The following ZBBX variants were observed in gnomAD, a reference collection of about 807,000 sequenced individuals.
ZBBX encodes the protein zinc finger B-box domain containing.
Under a neutral mutation model 108.5 loss-of-function variants are expected in ZBBX, and 101 were observed. That is an observed-to-expected ratio of 0.93 (90% confidence interval 0.79 to 1.10). The LOEUF is 1.10. Ranked by LOEUF, ZBBX falls within the 50% of genes least tolerant of loss-of-function variation. The probability of loss-of-function intolerance (pLI) is 0.00; values close to 1 mark genes in which losing one functional copy is unlikely to be tolerated. For synonymous variants in ZBBX, 356 were observed against 323.4 expected, an observed-to-expected ratio of 1.10 and a Z score of -1.08; for missense variants, 1,009 against 941.4, an observed-to-expected ratio of 1.07 and a Z score of -0.94.
At chr3:167,260,142 G>T (rs1016533892) in intron 20 of ZBBX, among the ~76,000 whole-genome samples, 1 of 152,144 alleles carries the variant, frequency 6.6e-6, no homozygotes, top group Non-Finnish European at 1.5e-5. Context: ...TTTTGTTTGA[G>T]AAGGCTGAAG....
In ZBBX at chr3:167,327,991, G is replaced by T; in HGVS notation, c.813C>A (p.Thr271=). Residue 271 remains threonine (T), a synonymous_variant, in exon 11 of 22, where the codon ACC becomes ACA. Transcript: ENST00000675490. ...SFQEVLSQWR[T]GNHDDNKKQN... is the part of the protein sequence containing the mutation. ...GTTTCTTGTTGTCATCATGATTTCCGGTTCTCCATTGACTTAACACTTCCT... is the reference window on the plus strand; with the variant it reads ...GTTTCTTGTTGTCATCATGATTTCCTGTTCTCCATTGACTTAACACTTCCT... 21 of 1,610,824 alleles carry T rather than the reference G, an allele frequency of 1.3e-5. No individual in the cohort carries two copies. The highest frequency in any genetic ancestry group is 1.7e-5 in the Non-Finnish European group (20 of 1,179,390).
chr3:167,346,068 C>G (rs1421627108), intron 9 of ZBBX, among the ~76,000 whole-genome samples: 1 of 151,824 alleles, frequency 6.6e-6, no homozygotes, highest in Non-Finnish European at 1.5e-5. Context: ...TTAACATTGT[C>G]TCTTCTGTCT....
chr3:167,191,638 G>T, the ZBBX span, among the ~76,000 whole-genome samples: 1 of 151,982 alleles, frequency 6.6e-6, no homozygotes, highest in African/African-American at 2.4e-5. Flanking sequence ...CTTCCACCAT[G>T]AGTGTGAAGC....
chr3:167,227,291 G>T, the ZBBX span, among the ~76,000 whole-genome samples: 9 of 151,836 alleles, frequency 5.9e-5, no homozygotes, highest in South Asian at 2.1e-4. Flanking sequence ...TAGTGGAAAA[G>T]AAGCATCCAG....
rs1405285640 is a variant in ZBBX at position 167,315,809 on chromosome 3, T to A, written c.1215A>T (p.Glu405Asp). ...TGTAAGGCACAATATTTTCTGCTTCTTCAAATTCCTCTTCATAAGTCTTAT... is the reference window on the plus strand; with the variant it reads ...TGTAAGGCACAATATTTTCTGCTTCATCAAATTCCTCTTCATAAGTCTTAT... Reference protein sequence around the residue: ...ELDDTYEEEFEEAENIVPYKV... With the variant: ...ELDDTYEEEFDEAENIVPYKV... The change falls in exon 15 of 22, where the codon GAA (glutamate) becomes GAT (aspartate). Residue 405 changes from glutamate (E) to aspartate (D), a missense_variant. Transcript: ENST00000675490. 2 of 1,604,836 alleles carry A rather than the reference T, an allele frequency of 1.2e-6. No homozygotes were observed. The highest frequency in any genetic ancestry group is 1.7e-6 in the Non-Finnish European group (2 of 1,174,276).
chr3:167,335,838 T>C (rs771219833), intron 9 of ZBBX, among the ~76,000 whole-genome samples: 1 of 151,960 alleles, frequency 6.6e-6, no homozygotes, highest in African/African-American at 2.4e-5. Flanking sequence ...TGTATGCAAA[T>C]CTGTGGAATC....
At chr3:167,299,370 C>T (rs576019462) in intron 17 of ZBBX, among the ~76,000 whole-genome samples, 3 of 151,938 alleles carry the variant, frequency 2.0e-5, no homozygotes, top group Admixed American at 6.6e-5. Flanking sequence ...AAAGACAAAT[C>T]GAAATCAAAA....
At chr3:167,181,052 T>A in the ZBBX span, among the ~76,000 whole-genome samples, 1 of 152,210 alleles carries the variant, frequency 6.6e-6, no homozygotes, top group Non-Finnish European at 1.5e-5. Context: ...TAGTGGCTAT[T>A]GTTCTATCCA....
chr3:167,310,489 G>A (rs1734387630), intron 16 of ZBBX, among the ~76,000 whole-genome samples: 1 of 152,130 alleles, frequency 6.6e-6, no homozygotes, highest in Non-Finnish European at 1.5e-5. Flanking sequence ...AAGGAAAGAG[G>A]CTTAATTGAC....
the ZBBX span, among the ~76,000 whole-genome samples, chr3:167,179,732 G>GA: frequency 6.6e-5 from 10 of 152,202 alleles, no homozygotes; most frequent in African/African-American, 2.2e-4. Context: ...TTTTGAGCCA[G>GA]AATAAGAAGT....
At chr3:167,341,020 T>C (rs1195534401) in intron 9 of ZBBX, among the ~76,000 whole-genome samples, 3 of 152,086 alleles carry the variant, frequency 2.0e-5, no homozygotes, top group African/African-American at 7.2e-5. Context: ...GCAAGCTAGA[T>C]AGAAATCAAA....
the ZBBX span, among the ~76,000 whole-genome samples, chr3:167,183,846 AT>A: frequency 2.2e-4 from 33 of 152,248 alleles, no homozygotes; most frequent in South Asian, 4.1e-4. Flanking sequence ...TGCAGAGATT[AT>A]TTTTTATGGC....
chr3:167,269,058 C>A (rs1324359629), intron 20 of ZBBX, among the ~76,000 whole-genome samples: 1 of 152,184 alleles, frequency 6.6e-6, no homozygotes, highest in East Asian at 1.9e-4. Flanking sequence ...AAGAGAATGT[C>A]CCAAATTACA....
At chr3:167,331,759 T>C in intron 10 of ZBBX, 1 of 280,186 alleles carries the variant, frequency 3.6e-6, no homozygotes, top group Non-Finnish European at 5.4e-6. Context: ...GCACATGATA[T>C]CCCTGTAAGA....
chr3:167,202,463 T>C, the ZBBX span, among the ~76,000 whole-genome samples: 18 of 150,716 alleles, frequency 1.2e-4, no homozygotes, highest in East Asian at 3.2e-3. Context: ...AGTAATGGTC[T>C]ATGAAATTCT....
chr3:167,258,897 C>T (rs1723980704), intron 20 of ZBBX, among the ~76,000 whole-genome samples: 1 of 152,138 alleles, frequency 6.6e-6, no homozygotes, highest in African/African-American at 2.4e-5. Flanking sequence ...AGGATTTTAG[C>T]ATCTATGTTC....
chr3:167,328,244 C>T, intron 10 of ZBBX, 128 bp from the exon 11 acceptor site: 4 of 908,044 alleles, frequency 4.4e-6, no homozygotes, highest in Non-Finnish European at 6.4e-6. Flanking sequence ...ACAAATCAGA[C>T]TTTTTAAACT....
At chr3:167,181,867 T>C in the ZBBX span, among the ~76,000 whole-genome samples, 3 of 152,320 alleles carry the variant, frequency 2.0e-5, no homozygotes, top group Admixed American at 2.0e-4. Context: ...TAGACTCCTG[T>C]TGGCACTTTT....
At chr3:167,283,075 G>A (rs907425926) in intron 19 of ZBBX, among the ~76,000 whole-genome samples, 2 of 152,016 alleles carry the variant, frequency 1.3e-5, no homozygotes, top group African/African-American at 4.8e-5. Flanking sequence ...ATTTTCCTAC[G>A]GATGAGCTCA....
Sources: gnomAD v4.1 joint callset for allele counts (sites outside exome capture counted in the v4.1 genomes callset) on GRCh38, gnomAD v4.1.1 for gene constraint, MANE v1.5 for transcripts, NCBI Gene and HGNC (gene_info 2026-07-23, HGNC 2026-07-21) for gene names.